Variants in ZC3H11A observed in about 807,000 individuals in gnomAD.
ZC3H11A encodes zinc finger CCCH domain-containing protein 11A.
A neutral mutation model predicts 90.8 loss-of-function variants in ZC3H11A; 22 were observed. That is an observed-to-expected ratio of 0.24 (90% CI 0.17 to 0.35). The LOEUF (loss-of-function observed/expected upper bound fraction) is 0.35, where lower values mean the gene tolerates loss of function less well. Among genes scored for constraint, ZC3H11A ranks in the 10% least tolerant of loss-of-function variants. The probability of loss-of-function intolerance (pLI) is 1.00; values close to 1 mark genes in which losing one functional copy is unlikely to be tolerated. For synonymous variants in ZC3H11A, 294 were observed against 339.8 expected (o/e 0.87, Z 1.48); for missense variants, 701 against 964.9 (o/e 0.73, Z 3.62).
chr1:203,799,757 A>G, intron 1 of ZC3H11A: 1 of 870,268 alleles, frequency 1.1e-6, no homozygotes, highest in Non-Finnish European at 1.9e-6. Flanking sequence ...TGGATAGTTT[A>G]TCTCTGAAAC....
At chr1:203,810,297 A>G (rs897848554) in intron 2 of ZC3H11A, among the ~76,000 whole-genome samples, 63 of 152,104 alleles carry the variant, frequency 4.1e-4, no homozygotes, top group African/African-American at 1.4e-3. Flanking sequence ...TTGAATGGCA[A>G]TTATATTTGT....
intron 4 of ZC3H11A, among the ~76,000 whole-genome samples, chr1:203,826,034 G>C (rs2102959628): frequency 6.6e-6 from 1 of 152,276 alleles, no homozygotes; most frequent in East Asian, 1.9e-4. Context: ...TTGCTTCCAG[G>C]AAAGATGTAA....
At chr1:203,821,255 A>G (rs1411204232) in intron 4 of ZC3H11A, among the ~76,000 whole-genome samples, 8 of 152,122 alleles carry the variant, frequency 5.3e-5, no homozygotes, top group Non-Finnish European at 1.2e-4. Context: ...ACCTCCTGCC[A>G]TAATTATAAG....
chr1:203,806,206 C>G (rs1672283904), intron 2 of ZC3H11A: 2 of 433,538 alleles, frequency 4.6e-6, no homozygotes, highest in East Asian at 1.2e-4. Flanking sequence ...CATGCCAATG[C>G]AGTCATTCAG....
At chr1:203,833,364 C>G (rs78404989) in intron 9 of ZC3H11A, among the ~76,000 whole-genome samples, 6 of 71,144 alleles carry the variant, frequency 8.4e-5, no homozygotes, top group African/African-American at 2.8e-4. Context: ...GACTCTGTCT[C>G]AAAAAAAAAA....
At position 203,852,608 on chromosome 1, in the gene ZC3H11A, A is replaced by G. The variant is rs532418436; in HGVS notation, c.*209A>G. The G allele has an allele frequency of 7.9e-5, 46 of 581,442 alleles. No individual in the cohort carries two copies. The highest frequency in any genetic ancestry group is 7.9e-4 in the East Asian group (26 of 33,110). 36.0% of individuals were successfully genotyped at this position (581,442 alleles called of 1,614,324 possible). ...ATAACCATTTTGTCCATTTGATGCC[A>G]TTGTTTATCATCTTTTGAGAAAAAA... is the stretch of plus-strand genomic sequence containing the variant. On this transcript the variant is annotated 3_prime_UTR_variant, in exon 18 of 18. Transcript: ENST00000367210.
In ZC3H11A at chr1:203,828,266, T is replaced by C. The variant is rs749970428; in HGVS notation, c.175-33T>C. 9.9e-6 allele frequency: 16 copies of C among 1,613,216 alleles called. No individual in the cohort carries two copies. The Middle Eastern group carries it at 4.9e-4, about 50-fold the overall frequency. The stretch of plus-strand genomic sequence containing the variant: ...CACATGAATATACGTATCACTGTTT[T>C]ATTTGAAAGCAATGTGTTTTTCCCT... On this transcript the variant is annotated intron_variant, in intron 4 of 17. Transcript: ENST00000367210.
chr1:203,837,890 GTC>G, intron 10 of ZC3H11A, 74 bp from the exon 11 acceptor site: 1 of 1,355,302 alleles, frequency 7.4e-7, no homozygotes, highest in Non-Finnish European at 1.0e-6. Context: ...ATGCTATGTT[GTC>G]TGTTTTTGTT....
At position 203,829,594 on chromosome 1, in the gene ZC3H11A, C is replaced by G. The variant is rs1681605297; in HGVS notation, c.442C>G (p.Pro148Ala). 1.2e-6 allele frequency: 2 copies of G among 1,614,148 alleles called. No homozygotes were observed. The highest frequency in any genetic ancestry group is 1.7e-6 in the Non-Finnish European group (2 of 1,180,038). The change falls in exon 6 of 18, where the codon CCT becomes GCT. Residue 148 changes from proline (P) to alanine (A), a missense_variant. By Grantham distance (27) the Pro-to-Ala change is conservative (BLOSUM62 -1). Transcript: ENST00000367210. ...GAAAGTAGAAAGTTCCGAAAATGTT[C>G]CTAGCCCCACGCATCCACCAGTTGT... ...VMKVESSENVPSPTHPPVVIN... is the reference protein window; with the variant it reads ...VMKVESSENVASPTHPPVVIN...
At position 203,799,524 on chromosome 1, in the gene ZC3H11A, A is replaced by G. The variant is rs1485141064; in HGVS notation, c.-1587-2051A>G. 7 of 702,904 alleles carry G rather than the reference A, an allele frequency of 1.0e-5. No homozygotes were observed. The African/African-American group carries it at 1.2e-4, about 12-fold the overall frequency. The allele number at this position is 702,904 out of a possible 1,614,324, so 43.5% of individuals were successfully genotyped here. ...GGAGCATTGCTACTCAGTTCACCAT[A>G]GTCTTGGTAGAGCCAGTGGAGTTGT... On this transcript the variant is annotated intron_variant, in intron 1 of 17. Transcript: ENST00000367210.
At position 203,819,089 on chromosome 1, in the gene ZC3H11A, T is replaced by TATAC. The variant is rs1336523998; in HGVS notation, c.174+401_174+402insTACA. On this transcript the variant is annotated intron_variant, in intron 4 of 17. Coordinates refer to ENST00000367210, the MANE Select transcript of ZC3H11A (RefSeq NM_001376342.1). ...TCTCAAAAAAAAAAATATATATATA[T>TATAC]ACACACACACACACACACACACACA... Among the ~76,000 whole-genome samples the TATAC allele has an allele frequency of 4.5e-3, 628 of 140,984 alleles. 12 individuals are homozygous for TATAC. The South Asian group carries it at 0.05, about 11-fold the overall frequency. The allele number at this position is 140,984 out of a possible 152,430, so 92.5% of individuals were successfully genotyped here.
At chr1:203,823,247 G>GA (rs1679361408) in intron 4 of ZC3H11A, among the ~76,000 whole-genome samples, 2 of 152,164 alleles carry the variant, frequency 1.3e-5, no homozygotes, top group Non-Finnish European at 2.9e-5. Flanking sequence ...GATCATAAGA[G>GA]AAAAAGACAC....
At chr1:203,823,380 A>G (rs1255486935) in intron 4 of ZC3H11A, among the ~76,000 whole-genome samples, 1 of 152,234 alleles carries the variant, frequency 6.6e-6, no homozygotes, top group African/African-American at 2.4e-5. Context: ...ATTCCTGCCC[A>G]GGGAAATCCA....
intron 1 of ZC3H11A, chr1:203,800,258 T>C (rs1670139194): frequency 1.8e-6 from 2 of 1,100,028 alleles, no homozygotes; most frequent in African/African-American, 3.1e-5. Context: ...CCATGTGTAG[T>C]TGGCAATCTG....
intron 4 of ZC3H11A, among the ~76,000 whole-genome samples, chr1:203,825,076 CAAAAAA>C (rs61108073): frequency 2.8e-4 from 31 of 108,970 alleles, no homozygotes; most frequent in African/African-American, 7.2e-4. Flanking sequence ...GACTCCGTCT[CAAAAAA>C]AAAAAAAAAA....
In ZC3H11A at chr1:203,849,977, A is replaced by G. The variant is rs758830497; in HGVS notation, c.1890A>G (p.Ser630=). Residue 630 remains serine, a synonymous_variant, in exon 15 of 18, where the codon TCA becomes TCG. Transcript: ENST00000367210. The part of the protein sequence containing the change: ...VEVETSGIGD[S]LLNVKCAAQT... Reference sequence around the variant, plus strand: ...TAGAAACCTCAGGGATTGGAGACTCATTATTGAATGTGAAATGTGCAGCAC... The same window carrying G: ...TAGAAACCTCAGGGATTGGAGACTCGTTATTGAATGTGAAATGTGCAGCAC... The G allele has an allele frequency of 1.2e-6, 2 of 1,614,074 alleles. No homozygotes were observed. The highest frequency in any genetic ancestry group is 3.3e-5 in the Admixed American group (2 of 60,002).
intron 11 of ZC3H11A, 147 bp downstream of exon 11, chr1:203,838,211 C>A: frequency 1.3e-6 from 1 of 797,000 alleles, no homozygotes; most frequent in Non-Finnish European, 2.0e-6. Context: ...AACATTTGAT[C>A]CTTAGTCTGC....
intron 12 of ZC3H11A, among the ~76,000 whole-genome samples, chr1:203,842,084 C>T (rs553390156): frequency 1.9e-4 from 29 of 150,390 alleles, no homozygotes; most frequent in African/African-American, 5.6e-4. Context: ...GACGGGATGG[C>T]GGCTGGGAAG....
intron 2 of ZC3H11A, chr1:203,805,712 C>T (rs1672087072): frequency 1.5e-6 from 1 of 660,366 alleles, no homozygotes; most frequent in Non-Finnish European, 2.9e-6. Flanking sequence ...ATTGCAGGTG[C>T]AGATGCTGGC....
Sources: gnomAD v4.1 joint callset for allele counts (sites outside exome capture counted in the v4.1 genomes callset) on GRCh38, gnomAD v4.1.1 for gene constraint, MANE v1.5 for transcripts, NCBI Gene and HGNC (gene_info 2026-07-23, HGNC 2026-07-21) for gene names.